SEM1: variants seen among roughly 807,000 people sequenced by gnomAD.
SEM1 encodes the protein 26S proteasome complex subunit SEM1.
A neutral mutation model predicts 12.7 loss-of-function variants in SEM1; 3 were observed. That is an observed-to-expected ratio of 0.24 (90% CI 0.11 to 0.61). The LOEUF is 0.61. SEM1 is among the 20% of genes least tolerant of loss of function. SEM1 has a pLI of 0.88. For synonymous variants in SEM1, 30 were observed against 27.8 expected (o/e 1.08, Z -0.25); for missense variants, 59 against 81.3 (o/e 0.73, Z 1.06).
upstream of SEM1, among the ~76,000 whole-genome samples, chr7:96,496,789 C>CA (rs2117245652): frequency 6.6e-6 from 1 of 152,154 alleles, no homozygotes; most frequent in South Asian, 2.1e-4. Flanking sequence ...TTATATGTCT[C>CA]AAAATGCAGT....
chr7:96,596,067 A>C (rs1806990377), intron 2 of SEM1, among the ~76,000 whole-genome samples: 1 of 152,230 alleles, frequency 6.6e-6, no homozygotes, highest in Admixed American at 6.5e-5. Flanking sequence ...CTTTGCAAAC[A>C]GGTAAAGTAA....
chr7:96,583,708 T>A (rs1806500649), intron 2 of SEM1, among the ~76,000 whole-genome samples: 1 of 150,744 alleles, frequency 6.6e-6, no homozygotes, highest in South Asian at 2.2e-4. Context: ...GTTGAATTGA[T>A]CCCTTTACCA....
intron 2 of SEM1, among the ~76,000 whole-genome samples, chr7:96,582,841 C>T (rs1208837185): frequency 2.6e-5 from 4 of 151,964 alleles, no homozygotes; most frequent in Non-Finnish European, 2.9e-5. Context: ...TTTTTTATTG[C>T]GTCTATTTGA....
chr7:96,684,536 G>A (rs1186139931), downstream of SEM1, among the ~76,000 whole-genome samples: 1 of 152,070 alleles, frequency 6.6e-6, no homozygotes, highest in Non-Finnish European at 1.5e-5. Context: ...GAAAAGGCAA[G>A]CACTGTACTA....
chr7:96,621,783 TTCTC>T (rs1310893708), downstream of SEM1: 1 of 152,260 alleles, frequency 6.6e-6, no homozygotes. Context: ...TACATTTGGA[TTCTC>T]TCTCTTTTAA....
At chr7:96,591,252 G>T (rs748088355) in intron 2 of SEM1, among the ~76,000 whole-genome samples, 1 of 151,706 alleles carries the variant, frequency 6.6e-6, no homozygotes, top group East Asian at 1.9e-4. Context: ...TTCTTTACAC[G>T]AACAGCAAAT....
rs551991383 is a variant in SEM1 at position 96,626,557 on chromosome 7, C to T, written c.171-3914G>A. ...GAAATGATCATATGGGTTTTTTAAT[C>T]CTTTATTCTGTTGATATGATGTATC... On this transcript the variant is annotated intron_variant, in intron 2 of 2. Coordinates refer to the SEM1 transcript ENST00000417009. Among the ~76,000 whole-genome samples, 5 of 151,860 alleles carry T rather than the reference C, an allele frequency of 3.3e-5. No homozygotes were observed. In the South Asian group the frequency reaches 8.3e-4, roughly 25 times the overall value.
chr7:96,525,709 G>T (rs1345582876), intron 2 of SEM1, among the ~76,000 whole-genome samples: 2 of 152,138 alleles, frequency 1.3e-5, no homozygotes, highest in Non-Finnish European at 2.9e-5. Flanking sequence ...ATAACAGGAG[G>T]TCAGCAGCAG....
At chr7:96,513,760 C>T (rs1804003145) in intron 2 of SEM1, among the ~76,000 whole-genome samples, 1 of 151,952 alleles carries the variant, frequency 6.6e-6, no homozygotes, top group Admixed American at 6.6e-5. Flanking sequence ...AACCAGGAGG[C>T]AGAGGTTGCA....
chr7:96,601,877 A>C (rs751755246), intron 2 of SEM1, among the ~76,000 whole-genome samples: 36 of 152,120 alleles, frequency 2.4e-4, no homozygotes, highest in Admixed American at 4.6e-4. Context: ...GTTATGAAAA[A>C]TTGTGGGAGT....
At chr7:96,607,727 C>T (rs1807424559) in intron 2 of SEM1, among the ~76,000 whole-genome samples, 1 of 152,152 alleles carries the variant, frequency 6.6e-6, no homozygotes, top group Non-Finnish European at 1.5e-5. Context: ...CACTTTTGCC[C>T]ATTCCCTATG....
chr7:96,577,882 C>T (rs979702488), intron 2 of SEM1, among the ~76,000 whole-genome samples: 2 of 151,280 alleles, frequency 1.3e-5, no homozygotes, highest in African/African-American at 4.9e-5. Flanking sequence ...ACCACCAATA[C>T]ATGTTAGACC....
chr7:96,486,249 C>G, exon 2 of SEM1: 1 of 1,536,890 alleles, frequency 6.5e-7, no homozygotes, highest in Non-Finnish European at 8.7e-7. Context: ...TTGGGCATCT[C>G]CAAGTTTATC....
intron 2 of SEM1, among the ~76,000 whole-genome samples, chr7:96,532,338 T>C (rs901411133): frequency 1.3e-5 from 2 of 152,106 alleles, no homozygotes; most frequent in Non-Finnish European, 2.9e-5. Context: ...TGATTCCACC[T>C]CACAGTCACT....
intron 2 of SEM1, among the ~76,000 whole-genome samples, chr7:96,572,968 G>C (rs1806085383): frequency 6.6e-6 from 1 of 152,164 alleles, no homozygotes. Context: ...GGGTGCTCCT[G>C]TATAGGGTGC....
chr7:96,663,736 C>A (rs1038376955), intron 2 of SEM1, among the ~76,000 whole-genome samples: 2 of 152,140 alleles, frequency 1.3e-5, no homozygotes, highest in Non-Finnish European at 2.9e-5. Flanking sequence ...AGTGAAAAAA[C>A]AACCACAGAC....
chr7:96,557,783 C>T (rs1397416385), intron 2 of SEM1, among the ~76,000 whole-genome samples: 24 of 151,862 alleles, frequency 1.6e-4, no homozygotes, highest in Non-Finnish European at 1.5e-5. Context: ...GGCGCCCTTC[C>T]CCCAGCCTCG....
intron 2 of SEM1, among the ~76,000 whole-genome samples, chr7:96,509,845 G>T (rs1193300675): frequency 6.6e-6 from 1 of 151,130 alleles, no homozygotes; most frequent in African/African-American, 2.5e-5. Flanking sequence ...TAGAATCCAA[G>T]GCAAATTCAT....
intron 2 of SEM1, among the ~76,000 whole-genome samples, chr7:96,693,579 G>T (rs953027182): frequency 6.6e-6 from 1 of 151,804 alleles, no homozygotes; most frequent in Non-Finnish European, 1.5e-5. Flanking sequence ...TTAAAATACG[G>T]CTATAATTTA....
Sources: allele counts gnomAD v4.1 joint callset (sites outside exome capture counted in the v4.1 genomes callset), GRCh38; gene constraint gnomAD v4.1.1; transcripts MANE v1.5; gene names NCBI Gene and HGNC (gene_info 2026-07-23, HGNC 2026-07-21).